The following UBE2E2 variants were observed in gnomAD, a reference collection of about 807,000 sequenced individuals.
The protein encoded by UBE2E2 is ubiquitin conjugating enzyme E2 E2.
UBE2E2 carries 6 observed loss-of-function variants against 24.7 expected under a neutral mutation model. The ratio of observed to expected loss-of-function variants is 0.24; its 90% CI spans 0.13 to 0.48. The LOEUF (loss-of-function observed/expected upper bound fraction) is 0.48. UBE2E2 is among the 20% of genes least tolerant of loss of function. UBE2E2 has a pLI of 0.99. For synonymous variants in UBE2E2, 104 were observed against 83.6 expected (o/e 1.24, Z -1.33); for missense variants, 169 against 245.0 (o/e 0.69, Z 2.07).
intron 3 of UBE2E2, among the ~76,000 whole-genome samples, chr3:23,414,513 G>A (rs1559376812): frequency 1.3e-5 from 2 of 152,110 alleles, no homozygotes; most frequent in Admixed American, 6.6e-5. Context: ...CCAACAATGG[G>A]GATTACAGTT....
intron 3 of UBE2E2, among the ~76,000 whole-genome samples, chr3:23,326,525 A>G (rs1694895234): frequency 1.3e-5 from 2 of 152,222 alleles, no homozygotes; most frequent in African/African-American, 4.8e-5. Context: ...GATTAAAAGA[A>G]ACATTTAAGA....
intron 3 of UBE2E2, among the ~76,000 whole-genome samples, chr3:23,470,941 A>T (rs1190483914): frequency 3.9e-5 from 6 of 152,170 alleles, no homozygotes; most frequent in Non-Finnish European, 5.9e-5. Flanking sequence ...ACCCCTGGAC[A>T]GTTATGTTCC....
At chr3:23,323,328 C>T (rs967635372) in intron 3 of UBE2E2, among the ~76,000 whole-genome samples, 2 of 152,042 alleles carry the variant, frequency 1.3e-5, no homozygotes, top group African/African-American at 4.8e-5. Flanking sequence ...ACTGGTTAGT[C>T]ATGGTAGTAC....
At chr3:23,380,210 C>A (rs1048184703) in intron 3 of UBE2E2, among the ~76,000 whole-genome samples, 4 of 150,946 alleles carry the variant, frequency 2.6e-5, no homozygotes, top group Non-Finnish European at 4.4e-5. Flanking sequence ...CCCATTTCTT[C>A]TTTATTAAAA....
At chr3:23,550,973 G>T (rs955625162) in intron 5 of UBE2E2, among the ~76,000 whole-genome samples, 1 of 152,182 alleles carries the variant, frequency 6.6e-6, no homozygotes, top group African/African-American at 2.4e-5. Context: ...TGCCTTATTA[G>T]TAGGGATGAA....
At chr3:23,207,786 C>T (rs1006342520) in intron 1 of UBE2E2, among the ~76,000 whole-genome samples, 2 of 152,046 alleles carry the variant, frequency 1.3e-5, no homozygotes, top group Admixed American at 1.3e-4. Flanking sequence ...GAGAGTAGAC[C>T]CTTAATCATT....
rs145278747 is a variant in UBE2E2 at position 23,242,160 on chromosome 3, C to T, written c.227+24848C>T. Among the ~76,000 whole-genome samples the T allele has an allele frequency of 4.2e-3, 644 of 152,204 alleles. 5 individuals are homozygous for T. Among genetic ancestry groups the T allele is most frequent in the African/African-American group, 0.014 (591 of 41,532 alleles). ...TGAAACTCATGACCTCCTGCCTTGA[C>T]CTCCCAAATGATCCTCCTGCTTTGA... On this transcript the variant is annotated intron_variant, in intron 3 of 5. Transcript: ENST00000396703.
intron 3 of UBE2E2, among the ~76,000 whole-genome samples, chr3:23,308,539 A>G (rs1002770350): frequency 1.3e-5 from 2 of 152,296 alleles, no homozygotes; most frequent in African/African-American, 2.4e-5. Context: ...ATTGTTTACC[A>G]TGTCTTGTAA....
chr3:23,429,458 G>C (rs1008649089), intron 3 of UBE2E2, among the ~76,000 whole-genome samples: 2 of 152,112 alleles, frequency 1.3e-5, no homozygotes, highest in African/African-American at 4.8e-5. Context: ...GATTTATCCT[G>C]GGTGTGCAAG....
chr3:23,459,121 C>A (rs1362268119), intron 3 of UBE2E2, among the ~76,000 whole-genome samples: 2 of 152,192 alleles, frequency 1.3e-5, no homozygotes, highest in Non-Finnish European at 2.9e-5. Flanking sequence ...CACAGATCTT[C>A]TGTGGTCACA....
At chr3:23,563,937 G>A (rs1171511433) in intron 5 of UBE2E2, among the ~76,000 whole-genome samples, 1 of 151,538 alleles carries the variant, frequency 6.6e-6, no homozygotes, top group Non-Finnish European at 1.5e-5. Context: ...GCAAAACTTA[G>A]AGGTCTAGAG....
At chr3:23,576,294 G>A (rs377413145) in intron 5 of UBE2E2, among the ~76,000 whole-genome samples, 9 of 152,184 alleles carry the variant, frequency 5.9e-5, no homozygotes, top group African/African-American at 2.2e-4. Flanking sequence ...GTGACTTGGG[G>A]AGCGAAAAGA....
intron 3 of UBE2E2, among the ~76,000 whole-genome samples, chr3:23,401,349 C>A (rs1329017747): frequency 6.6e-6 from 1 of 152,210 alleles, no homozygotes; most frequent in East Asian, 1.9e-4. Flanking sequence ...TATTGACTCA[C>A]TTTATGCCAA....
At chr3:23,387,778 T>C (rs1696836465) in intron 3 of UBE2E2, among the ~76,000 whole-genome samples, 1 of 152,212 alleles carries the variant, frequency 6.6e-6, no homozygotes, top group Admixed American at 6.5e-5. Flanking sequence ...CAGTCCTTGT[T>C]ATTCTTGATA....
At chr3:23,321,164 C>T (rs765354610) in intron 3 of UBE2E2, among the ~76,000 whole-genome samples, 16 of 152,210 alleles carry the variant, frequency 1.1e-4, no homozygotes, top group Non-Finnish European at 2.1e-4. Flanking sequence ...TATGTGTATG[C>T]CCAAATTTTC....
At position 23,585,873 on chromosome 3, in the gene UBE2E2, C is replaced by CAA. The variant is rs200129554; in HGVS notation, c.509-3850_509-3849dup. On this transcript the variant is annotated intron_variant, in intron 5 of 5. Transcript: ENST00000396703. ...GGATGGCAGAGTGAAACTGTCTCAA[C>CAA]AAAAAAAAAAAATTATTTGGTTGAT... Among the ~76,000 whole-genome samples the CAA allele has an allele frequency of 1.3e-3, 173 of 138,072 alleles. 1 individual carries two copies. The highest frequency in any genetic ancestry group is 3.8e-3 in the Middle Eastern group (1 of 266). The allele number at this position is 138,072 out of a possible 152,430, so 90.6% of individuals were successfully genotyped here.
intron 3 of UBE2E2, among the ~76,000 whole-genome samples, chr3:23,437,379 G>A (rs1327174044): frequency 6.6e-6 from 1 of 152,122 alleles, no homozygotes; most frequent in East Asian, 1.9e-4. Context: ...ATTTTTCCAA[G>A]ATGTTTAATT....
Position 23,591,444 on chromosome 3 carries a change from A to G in UBE2E2, c.*1613A>G, listed in dbSNP as rs1011251240. On this transcript the variant is annotated 3_prime_UTR_variant, in exon 6 of 6. Transcript: ENST00000396703. Reference sequence around the variant, plus strand: ...AATATATTTAAATATTGCAAATGCCACTTCTAAACCAAAATACCTGAGAAT... The same window carrying G: ...AATATATTTAAATATTGCAAATGCCGCTTCTAAACCAAAATACCTGAGAAT... The G allele has an allele frequency of 6.6e-6, 1 of 152,230 alleles. No individual in the cohort carries two copies. Among genetic ancestry groups the G allele is most frequent in the African/African-American group, 2.4e-5 (1 of 41,470 alleles). The allele number at this position is 152,230 out of a possible 1,614,324, so 9.4% of individuals were successfully genotyped here. A position where few individuals can be genotyped will look rare whatever the true frequency, so the allele number is the denominator to read the frequency against.
chr3:23,269,309 A>C (rs542068238), intron 3 of UBE2E2, among the ~76,000 whole-genome samples: 16 of 152,246 alleles, frequency 1.1e-4, no homozygotes, highest in Non-Finnish European at 2.4e-4. Context: ...CTCATCTGAC[A>C]AAGGGCTAAT....
Sources: allele counts gnomAD v4.1 joint callset (sites outside exome capture counted in the v4.1 genomes callset), GRCh38; gene constraint gnomAD v4.1.1; transcripts MANE v1.5; gene names NCBI Gene and HGNC (gene_info 2026-07-23, HGNC 2026-07-21).